ANO5: variants seen among roughly 807,000 people sequenced by gnomAD.
The protein encoded by ANO5 is anoctamin 5.
In ANO5, 109 loss-of-function variants were observed where a neutral mutation model predicts 121.0. The ratio of observed to expected loss-of-function variants is 0.90; its 90% confidence interval spans 0.77 to 1.06. The LOEUF (loss-of-function observed/expected upper bound fraction) is 1.06. Among genes scored for constraint, ANO5 ranks in the 50% least tolerant of loss-of-function variants. The pLI is 0.00. For missense variants in ANO5, 1,064 were observed against 1,078.5 expected, an observed-to-expected ratio of 0.99 and a Z score of 0.19; for synonymous variants, 406 against 359.9, an observed-to-expected ratio of 1.13 and a Z score of -1.45.
intron 9 of ANO5, among the ~76,000 whole-genome samples, chr11:22,247,444 T>G (rs1222284283): frequency 6.6e-6 from 1 of 152,164 alleles, no homozygotes; most frequent in East Asian, 1.9e-4. Context: ...TAAAGGCTGT[T>G]AAAATTGTCC....
chr11:22,212,029 G>C (rs1293119172), intron 3 of ANO5, among the ~76,000 whole-genome samples: 1 of 150,504 alleles, frequency 6.6e-6, no homozygotes, highest in Non-Finnish European at 1.5e-5. Flanking sequence ...CATTTTACAT[G>C]ATTCCAAAGT....
intron 1 of ANO5, among the ~76,000 whole-genome samples, chr11:22,195,183 C>T (rs1467382251): frequency 1.3e-5 from 2 of 152,086 alleles, no homozygotes; most frequent in Non-Finnish European, 2.9e-5. Flanking sequence ...ATTCTACTGA[C>T]TAATGTAGCA....
intron 19 of ANO5, among the ~76,000 whole-genome samples, chr11:22,274,285 T>C (rs1854747501): frequency 6.6e-6 from 1 of 151,870 alleles, no homozygotes; most frequent in Non-Finnish European, 1.5e-5. Flanking sequence ...ATGTAAGAAA[T>C]AGAAAGCCTT....
intron 14 of ANO5, among the ~76,000 whole-genome samples, chr11:22,258,800 T>C (rs903241042): frequency 6.6e-6 from 1 of 152,204 alleles, no homozygotes; most frequent in Non-Finnish European, 1.5e-5. Context: ...ATATAGTCTC[T>C]GGAACATAAT....
At chr11:22,233,401 A>T (rs1308428378) in intron 7 of ANO5, among the ~76,000 whole-genome samples, 3 of 151,996 alleles carry the variant, frequency 2.0e-5, no homozygotes, top group African/African-American at 4.8e-5. Flanking sequence ...AACAGAATTT[A>T]AAAAATATAT....
chr11:22,198,986 T>C (rs1211130125), intron 1 of ANO5, among the ~76,000 whole-genome samples: 1 of 152,168 alleles, frequency 6.6e-6, no homozygotes, highest in Non-Finnish European at 1.5e-5. Context: ...TACTGCATGA[T>C]GTTTAATATT....
At chr11:22,229,797 T>A (rs1408506236) in intron 7 of ANO5, among the ~76,000 whole-genome samples, 1 of 151,978 alleles carries the variant, frequency 6.6e-6, no homozygotes, top group Non-Finnish European at 1.5e-5. Flanking sequence ...AAGCACACTT[T>A]ATCTTCCTTC....
At chr11:22,245,363 TGC>T (rs1274153319) in intron 9 of ANO5, among the ~76,000 whole-genome samples, 1 of 152,208 alleles carries the variant, frequency 6.6e-6, no homozygotes, top group Non-Finnish European at 1.5e-5. Flanking sequence ...CTTTGTTACT[TGC>T]TAATTTCAGT....
chr11:22,272,290 T>C (rs555299340), intron 18 of ANO5, among the ~76,000 whole-genome samples: 159 of 133,006 alleles, frequency 1.2e-3, no homozygotes, highest in Non-Finnish European at 2.0e-3. Context: ...AAAATGTATA[T>C]TTCCTTTTCC....
chr11:22,279,090 T>G (rs1854977838), intron 21 of ANO5, among the ~76,000 whole-genome samples: 1 of 151,726 alleles, frequency 6.6e-6, no homozygotes, highest in South Asian at 2.1e-4. Flanking sequence ...TCCTCTTGTT[T>G]TCAACTCCAA....
chr11:22,230,092 T>C (rs1459134655), intron 7 of ANO5, among the ~76,000 whole-genome samples: 1 of 152,036 alleles, frequency 6.6e-6, no homozygotes, highest in Admixed American at 6.6e-5. Context: ...TGTGAATGTG[T>C]ATATGATGAA....
At chr11:22,228,636 C>A (rs1852928225) in intron 7 of ANO5, among the ~76,000 whole-genome samples, 2 of 151,890 alleles carry the variant, frequency 1.3e-5, no homozygotes, top group South Asian at 4.1e-4. Context: ...TCTCCCCATT[C>A]TTTCCTCCCC....
chr11:22,237,627 T>G (rs1190425082), intron 8 of ANO5, among the ~76,000 whole-genome samples: 2 of 152,012 alleles, frequency 1.3e-5, no homozygotes, highest in Admixed American at 1.3e-4. Context: ...CTGGCCAATG[T>G]TCAATATTTA....
chr11:22,192,853 G>A (rs1851689285), upstream of ANO5: 1 of 470,362 alleles, frequency 2.1e-6, no homozygotes, highest in East Asian at 1.6e-4. Context: ...GTCCCGAGGA[G>A]GGACGGGAGG....
Position 22,259,562 on chromosome 11 carries a change from G to T in ANO5, c.1451G>T (p.Arg484Leu). Residue 484 changes from arginine to leucine, a missense_variant, in exon 15 of 22, where the codon CGC becomes CTC. Physicochemically the swap from Arg to Leu is moderately radical, Grantham distance 102 (BLOSUM62 -2). Transcript: ENST00000324559. ...AGTATGGTAGCTGTAATTGTGTACC[G>T]CCTGTCAGTCTTTGCTACATTTGCT... ...VTSMVAVIVY[R>L]LSVFATFASF... 1 of 1,614,084 alleles carries T rather than the reference G, an allele frequency of 6.2e-7. No homozygotes were observed. Among genetic ancestry groups the T allele is most frequent in the Non-Finnish European group, 8.5e-7 (1 of 1,180,002 alleles).
In ANO5 at chr11:22,236,188, C is replaced by T. The variant is rs757947963; in HGVS notation, c.674C>T (p.Pro225Leu). Residue 225 changes from proline to leucine, a missense_variant, in exon 8 of 22, where the codon CCT becomes CTT. Transcript: ENST00000324559. Reference protein sequence around the residue: ...RIVYYILSRCPFGIEDGKKRF... With the variant: ...RIVYYILSRCLFGIEDGKKRF... ...GTGTACTATATTCTCTCAAGATGTC[C>T]TTTTGGCATAGAAGATGGGAAGAAA... 1.7e-5 allele frequency: 27 copies of T among 1,612,888 alleles called. No homozygotes were observed. The highest frequency in any genetic ancestry group is 1.5e-4 in the African/African-American group (11 of 74,876).
rs1403548457 is a variant in ANO5 at position 22,257,772 on chromosome 11, A to C, written c.1407+18A>C. 1 of 1,586,282 alleles carries C rather than the reference A, an allele frequency of 6.3e-7. No homozygotes were observed. Among genetic ancestry groups the C allele is most frequent in the South Asian group, 1.1e-5 (1 of 90,466 alleles). On this transcript the variant is annotated intron_variant, in intron 14 of 21. Coordinates refer to ENST00000324559, the MANE Select transcript of ANO5 (RefSeq NM_213599.3). ...CATTATGGGTGAGCATTTCTTTAAA[A>C]ATTGCTATAATTTCTTCAACAGGTG...
At chr11:22,223,366 CT>C (rs1376183281) in intron 5 of ANO5, among the ~76,000 whole-genome samples, 4 of 152,044 alleles carry the variant, frequency 2.6e-5, no homozygotes, top group African/African-American at 9.7e-5. Context: ...TATACACTTA[CT>C]TTTTCCAGCA....
chr11:22,266,106 A>G (rs544094110), intron 17 of ANO5, among the ~76,000 whole-genome samples: 48 of 152,346 alleles, frequency 3.2e-4, no homozygotes, highest in African/African-American at 1.1e-3. Context: ...AAATGAACTC[A>G]AAATGGATCA....
Sources: allele counts gnomAD v4.1 joint callset (sites outside exome capture counted in the v4.1 genomes callset), GRCh38; gene constraint gnomAD v4.1.1; transcripts MANE v1.5; gene names NCBI Gene and HGNC (gene_info 2026-07-23, HGNC 2026-07-21).